The following ABCD2 variants were observed in gnomAD, a reference collection of about 807,000 sequenced individuals.
The protein encoded by ABCD2 is ATP-binding cassette sub-family D member 2.
ABCD2 carries 36 observed loss-of-function variants against 70.9 expected under a neutral mutation model. That is an observed-to-expected ratio of 0.51 (90% CI 0.39 to 0.67). The LOEUF is 0.67. ABCD2 is among the 30% of genes least tolerant of loss of function. ABCD2 has a pLI of 0.00. For missense variants in ABCD2, 729 were observed against 890.2 expected (o/e 0.82, Z 2.30); for synonymous variants, 304 against 306.9 (o/e 0.99, Z 0.10).
rs1941116278 is a variant in ABCD2 at position 39,553,438 on chromosome 12, TGGC to T, written c.*471_*473del. On this transcript the variant is annotated 3_prime_UTR_variant, in exon 10 of 10. Coordinates refer to ENST00000308666, the MANE Select transcript of ABCD2 (RefSeq NM_005164.4). Reference sequence around the variant, plus strand: ...GTCAGCTATTTTGTACAGGTTTAGTTGGCCACTAGCAATAATCAATTTGAATTC... The same window carrying T: ...GTCAGCTATTTTGTACAGGTTTAGTTCACTAGCAATAATCAATTTGAATTC... The T allele has an allele frequency of 6.6e-6, 1 of 152,500 alleles. No homozygotes were observed. The highest frequency in any genetic ancestry group is 6.5e-5 in the Admixed American group (1 of 15,280). The allele number at this position is 152,500 out of a possible 1,614,324, so 9.4% of individuals were successfully genotyped here.
At position 39,608,407 on chromosome 12, in the gene ABCD2, C is replaced by A. The variant is rs1180996943; in HGVS notation, c.1121-693G>T. ...GGAGCAATAATGTACTACTGGGCGGCCAGGTGCGGTGGCTCATGCCTGTAG... is the reference window on the plus strand; with the variant it reads ...GGAGCAATAATGTACTACTGGGCGGACAGGTGCGGTGGCTCATGCCTGTAG... On this transcript the variant is annotated intron_variant, in intron 2 of 9. Coordinates refer to ENST00000308666, the MANE Select transcript of ABCD2 (RefSeq NM_005164.4). Among the ~76,000 whole-genome samples the A allele has an allele frequency of 2.0e-5, 3 of 152,132 alleles. 1 individual carries two copies. The highest frequency in any genetic ancestry group is 7.2e-5 in the African/African-American group (3 of 41,424).
intron 4 of ABCD2, 139 bp downstream of exon 4, chr12:39,604,623 T>C: frequency 1.7e-6 from 1 of 583,698 alleles, no homozygotes; most frequent in Non-Finnish European, 2.8e-6. Flanking sequence ...GCAATACTAA[T>C]ATTAGGGATT....
intron 2 of ABCD2, among the ~76,000 whole-genome samples, chr12:39,607,944 G>T (rs1247308371): frequency 6.6e-6 from 1 of 152,118 alleles, no homozygotes; most frequent in Non-Finnish European, 1.5e-5. Context: ...TGGGTGGGCG[G>T]ATCACTTGAG....
the ABCD2 span, among the ~76,000 whole-genome samples, chr12:39,542,377 C>T: frequency 1.3e-4 from 20 of 151,350 alleles, no homozygotes; most frequent in Non-Finnish European, 2.5e-4. Flanking sequence ...GCAAGAGAAT[C>T]GCTTGAACCC....
chr12:39,589,569 A>G (rs1213956707), intron 6 of ABCD2, among the ~76,000 whole-genome samples: 2 of 151,804 alleles, frequency 1.3e-5, no homozygotes, highest in Non-Finnish European at 2.9e-5. Flanking sequence ...TTGTATTTTT[A>G]GTAGAGACGG....
intron 2 of ABCD2, among the ~76,000 whole-genome samples, chr12:39,615,172 A>C (rs1942098899): frequency 6.6e-6 from 1 of 151,740 alleles, no homozygotes; most frequent in Non-Finnish European, 1.5e-5. Context: ...TAATAGCTGC[A>C]TTTTTGCTGT....
At chr12:39,615,356 T>G (rs1418377104) in intron 2 of ABCD2, among the ~76,000 whole-genome samples, 1 of 152,048 alleles carries the variant, frequency 6.6e-6, no homozygotes, top group Non-Finnish European at 1.5e-5. Context: ...TATCTGATAA[T>G]TTTGACTTTT....
intron 5 of ABCD2, among the ~76,000 whole-genome samples, chr12:39,603,293 T>A (rs910037052): frequency 6.6e-6 from 1 of 152,130 alleles, no homozygotes; most frequent in Admixed American, 6.5e-5. Context: ...ATTTTGTACT[T>A]GAATCCCAAA....
downstream of ABCD2, among the ~76,000 whole-genome samples, chr12:39,546,745 A>G (rs565203024): frequency 3.5e-4 from 54 of 152,262 alleles, 1 homozygote; most frequent in South Asian, 7.5e-3. Flanking sequence ...AAAGGAAAAT[A>G]TACAACTGAA....
downstream of ABCD2, among the ~76,000 whole-genome samples, chr12:39,548,543 G>T (rs1402345282): frequency 6.6e-6 from 1 of 151,828 alleles, no homozygotes; most frequent in Non-Finnish European, 1.5e-5. Flanking sequence ...GTTGAAAAAG[G>T]TCTCATTATA....
At chr12:39,574,516 GC>G (rs1342903074) in intron 8 of ABCD2, among the ~76,000 whole-genome samples, 1 of 151,986 alleles carries the variant, frequency 6.6e-6, no homozygotes, top group African/African-American at 2.4e-5. Flanking sequence ...CTTATCACTT[GC>G]CATTGTTTCC....
At chr12:39,584,012 A>G (rs541016362) in intron 7 of ABCD2, among the ~76,000 whole-genome samples, 2 of 152,252 alleles carry the variant, frequency 1.3e-5, no homozygotes, top group African/African-American at 4.8e-5. Context: ...TTTGTGGTAG[A>G]TGATTTTATA....
At chr12:39,579,770 C>A in intron 7 of ABCD2, 151 bp from the exon 8 acceptor site, 1 of 561,990 alleles carries the variant, frequency 1.8e-6, no homozygotes, top group Admixed American at 3.1e-5. Context: ...ACTACAGAGC[C>A]TCATGTATAA....
chr12:39,540,143 C>A, the ABCD2 span, among the ~76,000 whole-genome samples: 1 of 152,200 alleles, frequency 6.6e-6, no homozygotes, highest in Non-Finnish European at 1.5e-5. Context: ...TTAATAATCC[C>A]CTTAGAAAAC....
rs1407658075 is a variant in ABCD2, at chr12:39,553,852, A to G, written c.*60T>C. ...CTTAGCTTAACATACTTCATGCAGT[A>G]TAACAGAATGTCTTTGAGCCTTTAT... On this transcript the variant is annotated 3_prime_UTR_variant, in exon 10 of 10. Transcript: ENST00000308666. The G allele has an allele frequency of 4.7e-6, 6 of 1,278,144 alleles. No individual in the cohort carries two copies. The African/African-American group carries it at 6.0e-5, about 13-fold the overall frequency. 79.2% of individuals were successfully genotyped at this position (1,278,144 alleles called of 1,614,324 possible).
In ABCD2 at chr12:39,604,647, T is replaced by C. The variant is rs1259912927; in HGVS notation, c.1405+115A>G. 1.2e-5 allele frequency: 9 copies of C among 763,544 alleles called. No homozygotes were observed. In the East Asian group the frequency reaches 2.2e-4, roughly 19 times the overall value. The allele number at this position is 763,544 out of a possible 1,614,324, so 47.3% of individuals were successfully genotyped here. On this transcript the variant is annotated intron_variant, in intron 4 of 9. Coordinates refer to ENST00000308666, the MANE Select transcript of ABCD2 (RefSeq NM_005164.4). Reference sequence around the variant, plus strand: ...ATATTAGGGATTGCTGTTTAAATAATGTTGGTTATTTAAATGTTGGTACTT... The same window carrying C: ...ATATTAGGGATTGCTGTTTAAATAACGTTGGTTATTTAAATGTTGGTACTT...
At chr12:39,607,507 T>G in intron 3 of ABCD2, 92 bp downstream of exon 3, 1 of 1,082,546 alleles carries the variant, frequency 9.2e-7, no homozygotes, top group Non-Finnish European at 1.4e-6. Context: ...AAAGATATGT[T>G]TCCAAAATAC....
intron 9 of ABCD2, among the ~76,000 whole-genome samples, chr12:39,555,024 C>A (rs1941141217): frequency 6.6e-6 from 1 of 151,892 alleles, no homozygotes; most frequent in Admixed American, 6.6e-5. Flanking sequence ...GCAGTTTCCT[C>A]CTGCTTTTTA....
intron 2 of ABCD2, among the ~76,000 whole-genome samples, chr12:39,612,842 TA>T (rs1347682902): frequency 6.6e-6 from 1 of 152,230 alleles, no homozygotes; most frequent in Non-Finnish European, 1.5e-5. Flanking sequence ...ATTTTAGGAA[TA>T]AAAGCATCAC....
Sources: gnomAD v4.1 joint callset for allele counts (sites outside exome capture counted in the v4.1 genomes callset) on GRCh38, gnomAD v4.1.1 for gene constraint, MANE v1.5 for transcripts, NCBI Gene and HGNC (gene_info 2026-07-23, HGNC 2026-07-21) for gene names.